Variants in BCKDHA observed in about 807,000 individuals in gnomAD.
BCKDHA encodes 2-oxoisovalerate dehydrogenase subunit alpha, mitochondrial.
BCKDHA carries 43 observed loss-of-function variants against 52.2 expected under a neutral mutation model. That is an observed-to-expected ratio of 0.82 (90% CI 0.64 to 1.06). The LOEUF is 1.06. BCKDHA is among the 50% of genes least tolerant of loss of function. BCKDHA has a pLI of 0.00. For synonymous variants in BCKDHA, 234 were observed against 247.9 expected (o/e 0.94, Z 0.53); for missense variants, 527 against 621.3 (o/e 0.85, Z 1.61).
intron 1 of BCKDHA, among the ~76,000 whole-genome samples, chr19:41,404,359 G>A (rs1215416332): frequency 1.3e-5 from 2 of 151,768 alleles, no homozygotes; most frequent in South Asian, 2.1e-4. Flanking sequence ...GCACAATCTC[G>A]GCTCACTGCA....
chr19:41,423,347 G>A (rs1338993093), intron 8 of BCKDHA, among the ~76,000 whole-genome samples, 178 bp downstream of exon 8: 1 of 152,216 alleles, frequency 6.6e-6, no homozygotes, highest in East Asian at 1.9e-4. Flanking sequence ...TCCTTGGCAT[G>A]TTGCCCTCCA....
chr19:41,422,554 C>G lies in BCKDHA; in HGVS notation c.854-75C>G, dbSNP rs980407378. 3 of 1,605,476 alleles carry G rather than the reference C, an allele frequency of 1.9e-6. No homozygotes were observed. In the African/African-American group the frequency reaches 4.0e-5, roughly 22 times the overall value. On this transcript the variant is annotated intron_variant, in intron 6 of 8. Coordinates refer to ENST00000269980, the MANE Select transcript of BCKDHA (RefSeq NM_000709.4). ...CTCAGCCTTGCTCTCTGTCCTCTCCCTGCTCGTCCCCTTGGCCTCGTGCAT... is the reference window on the plus strand; with the variant it reads ...CTCAGCCTTGCTCTCTGTCCTCTCCGTGCTCGTCCCCTTGGCCTCGTGCAT...
At chr19:41,410,550 A>G in intron 1 of BCKDHA, 87 bp from the exon 2 acceptor site, 2 of 1,485,866 alleles carry the variant, frequency 1.3e-6, no homozygotes, top group East Asian at 4.7e-5. Flanking sequence ...CTCAACCACC[A>G]TGCCGCCTGC....
At chr19:41,423,635 C>T (rs978457437) in intron 8 of BCKDHA, among the ~76,000 whole-genome samples, 1 of 152,180 alleles carries the variant, frequency 6.6e-6, no homozygotes, top group Non-Finnish European at 1.5e-5. Flanking sequence ...AGTTTGAGAC[C>T]AGCCTGGCCA....
chr19:41,414,649 TAGA>T (rs1163666650), intron 4 of BCKDHA, among the ~76,000 whole-genome samples: 1 of 151,980 alleles, frequency 6.6e-6, no homozygotes, highest in Non-Finnish European at 1.5e-5. Context: ...GGTGCAAGAT[TAGA>T]GGGGCCCGGC....
intron 4 of BCKDHA, chr19:41,418,787 A>G (rs2039333362): frequency 6.7e-6 from 3 of 450,598 alleles, no homozygotes; most frequent in South Asian, 3.2e-5. Flanking sequence ...CGATCCTCCA[A>G]CGTCAGCCTC....
At chr19:41,415,793 C>A (rs1485031725) in intron 4 of BCKDHA, among the ~76,000 whole-genome samples, 39 of 150,860 alleles carry the variant, frequency 2.6e-4, no homozygotes. Context: ...GGACTACAGG[C>A]GCCCACCACC....
At chr19:41,422,511 G>C in intron 6 of BCKDHA, 118 bp from the exon 7 acceptor site, 1 of 1,576,154 alleles carries the variant, frequency 6.3e-7, no homozygotes, top group Non-Finnish European at 8.7e-7. Flanking sequence ...TCAGCCACAG[G>C]AGTTGAGGTC....
chr19:41,424,845 T>A lies in BCKDHA; in HGVS notation c.*237T>A, dbSNP rs2039410984. 1 of 504,224 alleles carries A rather than the reference T, an allele frequency of 2.0e-6. No individual in the cohort carries two copies. Among genetic ancestry groups the A allele is most frequent in the Non-Finnish European group, 3.5e-6 (1 of 284,818 alleles). The allele number at this position is 504,224 out of a possible 1,614,324, so 31.2% of individuals were successfully genotyped here. On this transcript the variant is annotated 3_prime_UTR_variant, in exon 9 of 9. Coordinates refer to ENST00000269980, the MANE Select transcript of BCKDHA (RefSeq NM_000709.4). ...CGTCAGCCCCCTCTTCACCTGTTGTTACAGTGCCTTCTCCCAGGGGCTGGG... is the reference window on the plus strand; with the variant it reads ...CGTCAGCCCCCTCTTCACCTGTTGTAACAGTGCCTTCTCCCAGGGGCTGGG...
intron 6 of BCKDHA, 21 bp downstream of exon 6, chr19:41,422,391 T>C: frequency 1.2e-6 from 2 of 1,613,624 alleles, no homozygotes; most frequent in Non-Finnish European, 1.7e-6. Flanking sequence ...TGCTGGCTGC[T>C]CCCCACCCCG....
At chr19:41,399,583 T>G (rs1264354170) in intron 1 of BCKDHA, 1 of 151,844 alleles carries the variant, frequency 6.6e-6, no homozygotes, top group Admixed American at 6.6e-5. Flanking sequence ...TATATATATT[T>G]AAATTTGTAT....
chr19:41,400,529 T>A (rs1243386393), intron 1 of BCKDHA, among the ~76,000 whole-genome samples: 1 of 151,188 alleles, frequency 6.6e-6, no homozygotes, highest in East Asian at 2.0e-4. Context: ...CATAAGCCAC[T>A]GTGCCTGGCT....
At position 41,424,527 on chromosome 19, in the gene BCKDHA, G is replaced by A. The variant is rs1234860232; in HGVS notation, c.1257G>A (p.Gln419=). Residue 419 remains glutamine (Q), a synonymous_variant, in exon 9 of 9, where the codon CAG becomes CAA. Transcript: ENST00000269980. ...FSDVYQEMPA[Q]LRKQQESLAR... is the part of the protein sequence containing the mutation. ...ACGTGTATCAGGAGATGCCCGCCCAGCTCCGCAAGCAGCAGGAGTCTCTGG... is the reference window on the plus strand; with the variant it reads ...ACGTGTATCAGGAGATGCCCGCCCAACTCCGCAAGCAGCAGGAGTCTCTGG... 6.8e-6 allele frequency: 11 copies of A among 1,613,976 alleles called. No individual in the cohort carries two copies. Among genetic ancestry groups the A allele is most frequent in the Non-Finnish European group, 9.3e-6 (11 of 1,180,012 alleles).
At position 41,419,115 on chromosome 19, in the gene BCKDHA, A is replaced by G. The variant is rs759832847; in HGVS notation, c.485-20A>G. On this transcript the variant is annotated intron_variant, in intron 4 of 8. Coordinates refer to ENST00000269980, the MANE Select transcript of BCKDHA (RefSeq NM_000709.4). ...CCCTGTACTGCCCACTCGGCTAACC[A>G]TTGCCTCCTCCCCTCCTAGGTGTGC... is the stretch of plus-strand genomic sequence containing the variant. 6.2e-7 allele frequency: 1 copy of G among 1,613,872 alleles called. No individual in the cohort carries two copies. Among genetic ancestry groups the G allele is most frequent in the South Asian group, 1.1e-5 (1 of 91,068 alleles).
At chr19:41,404,732 T>C (rs1445579132) in intron 1 of BCKDHA, among the ~76,000 whole-genome samples, 1 of 152,178 alleles carries the variant, frequency 6.6e-6, no homozygotes, top group Non-Finnish European at 1.5e-5. Flanking sequence ...TAGCTGGGAC[T>C]ATAGGTGCGT....
chr19:41,414,490 G>C (rs551156970), intron 4 of BCKDHA, among the ~76,000 whole-genome samples: 11 of 152,278 alleles, frequency 7.2e-5, no homozygotes, highest in African/African-American at 2.6e-4. Context: ...AGGGTCGCTG[G>C]GAGGATGCAG....
chr19:41,399,110 CTG>C, intron 1 of BCKDHA, among the ~76,000 whole-genome samples: 1 of 152,196 alleles, frequency 6.6e-6, no homozygotes, highest in Middle Eastern at 3.4e-3. Flanking sequence ...GAGGTTGAGT[CTG>C]ATCCTCTGAT....
chr19:41,405,561 G>A (rs1248071704), intron 1 of BCKDHA, among the ~76,000 whole-genome samples: 2 of 152,040 alleles, frequency 1.3e-5, no homozygotes, highest in African/African-American at 4.8e-5. Context: ...TTACAAGTGT[G>A]AACCACCACA....
At chr19:41,398,183 C>T (rs2039097807) in intron 1 of BCKDHA, among the ~76,000 whole-genome samples, 1 of 152,094 alleles carries the variant, frequency 6.6e-6, no homozygotes. Flanking sequence ...AGGGAGACGA[C>T]TTGAAGAGAG....
Sources: gnomAD v4.1 joint callset for allele counts (sites outside exome capture counted in the v4.1 genomes callset) on GRCh38, gnomAD v4.1.1 for gene constraint, MANE v1.5 for transcripts, NCBI Gene and HGNC (gene_info 2026-07-23, HGNC 2026-07-21) for gene names.